The following DLG2 variants were observed in gnomAD, a reference collection of about 807,000 sequenced individuals.
DLG2 encodes discs large MAGUK scaffold protein 2.
Under a neutral mutation model 132.5 loss-of-function variants are expected in DLG2, and 45 were observed. The observed-to-expected ratio is 0.34, with a 90% CI of 0.27 to 0.44. The LOEUF (loss-of-function observed/expected upper bound fraction) is 0.44. Ranked by LOEUF, DLG2 falls within the 20% of genes least tolerant of loss-of-function variation. DLG2 has a pLI of 1.00. For synonymous variants in DLG2, 424 were observed against 419.6 expected (o/e 1.01, Z -0.13); for missense variants, 1,045 against 1,196.9 (o/e 0.87, Z 1.87).
In DLG2 at chr11:85,440,306, T is replaced by C. The variant is rs533851646; in HGVS notation, c.41-154941A>G. 1.1e-3 allele frequency among the ~76,000 whole-genome samples: 164 copies of C among 152,336 alleles called. 1 individual carries two copies. The highest frequency in any genetic ancestry group is 3.8e-3 in the African/African-American group (159 of 41,582). On this transcript the variant is annotated intron_variant, in intron 3 of 27. Transcript: ENST00000376104. ...CTTATCTGTACAAAAGAATAAAATA[T>C]TATAGAACTATGATAAAGATTAAAT...
At chr11:85,135,227 A>T (rs1317775447) in intron 5 of DLG2, among the ~76,000 whole-genome samples, 2 of 152,234 alleles carry the variant, frequency 1.3e-5, no homozygotes, top group Non-Finnish European at 2.9e-5. Context: ...TAAAGTTGAC[A>T]AAGAACTTGT....
intron 21 of DLG2, among the ~76,000 whole-genome samples, chr11:83,530,904 A>G (rs1435362229): frequency 1.3e-5 from 2 of 152,036 alleles, no homozygotes; most frequent in East Asian, 3.9e-4. Context: ...AAATAATTAT[A>G]TTTATGTACA....
chr11:83,627,404 C>G (rs1263657141), intron 19 of DLG2, among the ~76,000 whole-genome samples: 1 of 151,986 alleles, frequency 6.6e-6, no homozygotes, highest in East Asian at 1.9e-4. Context: ...TGATGTTCCC[C>G]TTCCTGTGTC....
At chr11:84,482,507 T>A (rs2099140470) in intron 7 of DLG2, among the ~76,000 whole-genome samples, 1 of 152,230 alleles carries the variant, frequency 6.6e-6, no homozygotes, top group Non-Finnish European at 1.5e-5. Flanking sequence ...AGCAAGCTCC[T>A]TAACTTTGTA....
intron 16 of DLG2, among the ~76,000 whole-genome samples, chr11:83,852,510 A>G (rs951551648): frequency 6.6e-6 from 1 of 152,256 alleles, no homozygotes; most frequent in Non-Finnish European, 1.5e-5. Flanking sequence ...TGGAAAAAAA[A>G]GACAAAGGAC....
intron 12 of DLG2, among the ~76,000 whole-genome samples, chr11:83,970,925 A>G (rs2091218053): frequency 6.6e-6 from 1 of 152,170 alleles, no homozygotes; most frequent in Admixed American, 6.6e-5. Flanking sequence ...GATTTGGACC[A>G]AAAAGTGCTC....
chr11:84,805,286 G>GA (rs947580045), intron 6 of DLG2, among the ~76,000 whole-genome samples: 3 of 151,976 alleles, frequency 2.0e-5, no homozygotes, highest in Admixed American at 1.3e-4. Context: ...ATTTGACAGT[G>GA]ATAAGGCAGT....
chr11:83,917,170 C>T (rs79592037), intron 15 of DLG2, among the ~76,000 whole-genome samples: 2,767 of 152,266 alleles, frequency 0.018, 88 homozygotes, highest in African/African-American at 0.063. Context: ...CAACCACTGA[C>T]ATTTGCTTAG....
At chr11:84,148,515 A>T (rs1049759010) in intron 9 of DLG2, among the ~76,000 whole-genome samples, 1 of 152,124 alleles carries the variant, frequency 6.6e-6, no homozygotes, top group Non-Finnish European at 1.5e-5. Context: ...GCTCAGGATG[A>T]TGGCCTCCAC....
At chr11:83,862,381 G>A (rs1205219914) in intron 16 of DLG2, among the ~76,000 whole-genome samples, 1 of 152,134 alleles carries the variant, frequency 6.6e-6, no homozygotes, top group Non-Finnish European at 1.5e-5. Flanking sequence ...ATTTGTGGGA[G>A]CTAAAAATAG....
intron 18 of DLG2, among the ~76,000 whole-genome samples, chr11:83,732,388 A>C (rs1320306128): frequency 1.3e-5 from 2 of 152,174 alleles, no homozygotes; most frequent in Non-Finnish European, 2.9e-5. Context: ...GGGGAGCTTA[A>C]TACCTACCAA....
At chr11:85,436,328 A>G (rs2091477590) in intron 3 of DLG2, among the ~76,000 whole-genome samples, 1 of 152,228 alleles carries the variant, frequency 6.6e-6, no homozygotes. Context: ...ATTACACTAA[A>G]GAGCTTCTGC....
At chr11:83,850,082 CTAAT>C (rs561864090) in intron 16 of DLG2, among the ~76,000 whole-genome samples, 122 of 150,296 alleles carry the variant, frequency 8.1e-4, no homozygotes, top group Non-Finnish European at 1.5e-3. Context: ...GTAAAAATAA[CTAAT>C]TATAATAACA....
chr11:84,463,624 C>A (rs2099086237), intron 7 of DLG2, among the ~76,000 whole-genome samples: 1 of 151,102 alleles, frequency 6.6e-6, no homozygotes, highest in South Asian at 2.1e-4. Context: ...CTTTAATTAC[C>A]TGATTATGAT....
At chr11:84,917,456 A>G (rs1448848836) in intron 6 of DLG2, among the ~76,000 whole-genome samples, 2 of 152,192 alleles carry the variant, frequency 1.3e-5, no homozygotes, top group Non-Finnish European at 2.9e-5. Context: ...AGTGGAACAG[A>G]CTTGGTTTAG....
intron 6 of DLG2, among the ~76,000 whole-genome samples, chr11:84,598,328 C>T (rs1393146041): frequency 6.6e-6 from 1 of 152,066 alleles, no homozygotes; most frequent in Non-Finnish European, 1.5e-5. Flanking sequence ...TTTGGGCAAC[C>T]CTTGATGCCC....
chr11:85,606,521 AC>A (rs2080556662), intron 2 of DLG2, among the ~76,000 whole-genome samples: 1 of 152,164 alleles, frequency 6.6e-6, no homozygotes, highest in African/African-American at 2.4e-5. Context: ...TATAAAATGG[AC>A]CAAGCAGCTC....
intron 7 of DLG2, among the ~76,000 whole-genome samples, chr11:84,267,035 G>A (rs1299043534): frequency 5.9e-5 from 9 of 152,168 alleles, no homozygotes; most frequent in Admixed American, 2.6e-4. Flanking sequence ...AAAAATGCAC[G>A]AGAGAAATAG....
At chr11:83,904,444 A>ACTT (rs2074225620) in intron 15 of DLG2, among the ~76,000 whole-genome samples, 1 of 152,216 alleles carries the variant, frequency 6.6e-6, no homozygotes, top group South Asian at 2.1e-4. Context: ...TTTTACAAAT[A>ACTT]CTTATAAATT....
Sources: allele counts gnomAD v4.1 joint callset (sites outside exome capture counted in the v4.1 genomes callset), GRCh38; gene constraint gnomAD v4.1.1; transcripts MANE v1.5; gene names NCBI Gene and HGNC (gene_info 2026-07-23, HGNC 2026-07-21).